The following MPPED1 variants were observed in gnomAD, a reference collection of about 807,000 sequenced individuals.
MPPED1 encodes metallophosphoesterase domain containing 1, also known as metallophosphoesterase domain-containing protein 1.
A neutral mutation model predicts 36.2 loss-of-function variants in MPPED1; 16 were observed. That is an observed-to-expected ratio of 0.44 (90% CI 0.30 to 0.67). The LOEUF (loss-of-function observed/expected upper bound fraction) is 0.67, where lower values mean the gene tolerates loss of function less well. Ranked by LOEUF, MPPED1 falls within the 30% of genes least tolerant of loss-of-function variation. MPPED1 has a pLI of 0.10. For synonymous variants in MPPED1, 199 were observed against 191.3 expected (o/e 1.04, Z -0.33); for missense variants, 307 against 453.4 (o/e 0.68, Z 2.93).
intron 3 of MPPED1, among the ~76,000 whole-genome samples, chr22:43,470,510 C>T (rs533855711): frequency 1.3e-5 from 2 of 152,290 alleles, no homozygotes; most frequent in South Asian, 2.1e-4. Context: ...GTAAACCAAC[C>T]ATTCATTCAT....
At chr22:43,500,019 G>A (rs1200883705) in intron 5 of MPPED1, among the ~76,000 whole-genome samples, 6 of 84,434 alleles carry the variant, frequency 7.1e-5, no homozygotes, top group African/African-American at 2.1e-4. Flanking sequence ...GATGGTGGAG[G>A]TGGTGGTGGT....
chr22:43,475,233 T>C (rs986217848), intron 4 of MPPED1, among the ~76,000 whole-genome samples: 1 of 152,048 alleles, frequency 6.6e-6, no homozygotes, highest in Admixed American at 6.6e-5. Flanking sequence ...ATTATCTCCA[T>C]TTTACAGGTG....
chr22:43,497,307 C>T, intron 4 of MPPED1, among the ~76,000 whole-genome samples: 1 of 151,920 alleles, frequency 6.6e-6, no homozygotes, highest in East Asian at 1.9e-4. Flanking sequence ...GATTCTGATG[C>T]TTTTGTTGCA....
intron 4 of MPPED1, among the ~76,000 whole-genome samples, chr22:43,495,693 T>A (rs1416165251): frequency 2.1e-5 from 1 of 48,448 alleles, no homozygotes. Context: ...ATGGTGGTGG[T>A]GGAGGTGGTG....
chr22:43,413,482 T>C (rs1928978535), intron 1 of MPPED1, among the ~76,000 whole-genome samples: 1 of 152,098 alleles, frequency 6.6e-6, no homozygotes, highest in Admixed American at 6.5e-5. Context: ...AGCCAGATCT[T>C]GGTGTACAGG....
chr22:43,500,035 G>T (rs747992327), intron 5 of MPPED1, among the ~76,000 whole-genome samples: 283 of 7,262 alleles, frequency 0.039, 5 homozygotes, highest in African/African-American at 0.12. Flanking sequence ...GTGGTGGTGA[G>T]GGAGGTGGTG....
chr22:43,461,811 T>G (rs1319014780), intron 3 of MPPED1, among the ~76,000 whole-genome samples: 1 of 152,250 alleles, frequency 6.6e-6, no homozygotes, highest in Admixed American at 6.5e-5. Context: ...AAATTCCCGC[T>G]TCTTCGCTGA....
At chr22:43,480,783 G>A (rs904201907) in intron 4 of MPPED1, among the ~76,000 whole-genome samples, 3 of 149,880 alleles carry the variant, frequency 2.0e-5, no homozygotes, top group South Asian at 2.1e-4. Context: ...GAGATCTTCT[G>A]TTCTCTGAAA....
At chr22:43,467,038 G>A (rs1308191790) in intron 3 of MPPED1, among the ~76,000 whole-genome samples, 1 of 152,188 alleles carries the variant, frequency 6.6e-6, no homozygotes, top group Admixed American at 6.5e-5. Context: ...GGTACAGCGT[G>A]GGGCTCACGT....
intron 2 of MPPED1, among the ~76,000 whole-genome samples, chr22:43,427,632 A>G (rs1569065304): frequency 1.3e-5 from 2 of 152,182 alleles, no homozygotes; most frequent in African/African-American, 2.4e-5. Context: ...TGAGTCATTC[A>G]TTCACGCATT....
intron 3 of MPPED1, among the ~76,000 whole-genome samples, chr22:43,446,259 C>T (rs2146847885): frequency 6.6e-6 from 1 of 152,340 alleles, no homozygotes; most frequent in East Asian, 1.9e-4. Flanking sequence ...TGATTATTTA[C>T]TCAACAGATG....
At chr22:43,478,305 C>A (rs914057542) in intron 4 of MPPED1, among the ~76,000 whole-genome samples, 2 of 152,120 alleles carry the variant, frequency 1.3e-5, no homozygotes, top group Admixed American at 6.5e-5. Flanking sequence ...GAGCTGATAT[C>A]CTCATGCCCT....
intron 2 of MPPED1, among the ~76,000 whole-genome samples, chr22:43,433,816 A>G (rs1929854477): frequency 6.6e-6 from 1 of 152,196 alleles, no homozygotes; most frequent in Admixed American, 6.5e-5. Context: ...TGTAACTGAT[A>G]TGGCACCGCT....
At chr22:43,490,634 T>C (rs893810800) in intron 4 of MPPED1, among the ~76,000 whole-genome samples, 13 of 152,192 alleles carry the variant, frequency 8.5e-5, no homozygotes, top group Admixed American at 8.5e-4. Context: ...ACGTGTTCTC[T>C]CCATACTGAT....
intron 4 of MPPED1, among the ~76,000 whole-genome samples, chr22:43,484,834 G>C (rs1288886398): frequency 6.6e-6 from 1 of 152,122 alleles, no homozygotes; most frequent in Non-Finnish European, 1.5e-5. Flanking sequence ...CCATGGATGA[G>C]GGGGCCCAAG....
chr22:43,452,303 T>C (rs1429753037), intron 3 of MPPED1, among the ~76,000 whole-genome samples: 1 of 152,108 alleles, frequency 6.6e-6, no homozygotes, highest in African/African-American at 2.4e-5. Flanking sequence ...TGTGAGCCAA[T>C]GCGCCCAGCT....
intron 4 of MPPED1, among the ~76,000 whole-genome samples, chr22:43,491,119 TA>T (rs1356030162): frequency 6.6e-6 from 1 of 152,188 alleles, no homozygotes; most frequent in South Asian, 2.1e-4. Context: ...ATTCTTTTTT[TA>T]AAAAAATGCT....
At chr22:43,465,088 T>G (rs1601981584) in intron 3 of MPPED1, among the ~76,000 whole-genome samples, 1 of 152,276 alleles carries the variant, frequency 6.6e-6, no homozygotes, top group East Asian at 1.9e-4. Flanking sequence ...ATGTCACGTC[T>G]TCATGGAACA....
chr22:43,439,725 G>A (rs930705143), intron 3 of MPPED1, among the ~76,000 whole-genome samples: 2 of 152,196 alleles, frequency 1.3e-5, no homozygotes, highest in East Asian at 3.8e-4. Context: ...CTGTCACGGT[G>A]AACAACTTGC....
Sources: allele counts gnomAD v4.1 joint callset (sites outside exome capture counted in the v4.1 genomes callset), GRCh38; gene constraint gnomAD v4.1.1; transcripts MANE v1.5; gene names NCBI Gene and HGNC (gene_info 2026-07-23, HGNC 2026-07-21).